The following DENND11 variants were observed in gnomAD, a reference collection of about 807,000 sequenced individuals.
The protein encoded by DENND11 is DENN domain containing 11.
In DENND11, 34 loss-of-function variants were observed where a neutral mutation model predicts 49.2. The observed-to-expected ratio is 0.69, with a 90% CI of 0.53 to 0.92. DENND11 has a LOEUF of 0.92. Ranked by LOEUF, DENND11 falls within the 40% of genes least tolerant of loss-of-function variation. The probability of loss-of-function intolerance (pLI) is 0.00; values close to 1 mark genes in which losing one functional copy is unlikely to be tolerated. For synonymous variants in DENND11, 238 were observed against 230.3 expected, an observed-to-expected ratio of 1.03 and a Z score of -0.30; for missense variants, 475 against 581.6, an observed-to-expected ratio of 0.82 and a Z score of 1.88.
intron 3 of DENND11, among the ~76,000 whole-genome samples, chr7:141,682,057 G>A (rs138364545): frequency 2.3e-3 from 353 of 152,232 alleles, no homozygotes; most frequent in Non-Finnish European, 3.8e-3. Context: ...CTTGTATTGT[G>A]GTTCCTACTT....
At chr7:141,700,740 CCA>C (rs1373681192) in intron 1 of DENND11, among the ~76,000 whole-genome samples, 1 of 152,050 alleles carries the variant, frequency 6.6e-6, no homozygotes, top group Non-Finnish European at 1.5e-5. Flanking sequence ...ACAGTGAATC[CCA>C]CATTCTTCCT....
At chr7:141,669,139 T>C (rs1797938946) in intron 4 of DENND11, among the ~76,000 whole-genome samples, 1 of 152,082 alleles carries the variant, frequency 6.6e-6, no homozygotes, top group Non-Finnish European at 1.5e-5. Flanking sequence ...CATCTGGACC[T>C]CTCAGAGAGG....
intron 3 of DENND11, among the ~76,000 whole-genome samples, chr7:141,676,854 G>A (rs1328562377): frequency 2.6e-5 from 4 of 152,106 alleles, no homozygotes; most frequent in East Asian, 3.8e-4. Context: ...AACCACCTAT[G>A]GAAACTGTCC....
In DENND11 at chr7:141,673,359, T is replaced by C. The variant is rs549123788; in HGVS notation, c.681+708A>G. ...AAGGTGCTGAGAAAGTGACAGACCA[T>C]GGTTCTCACTGCTGCTCACACCTTT... On this transcript the variant is annotated intron_variant, in intron 4 of 8. Transcript: ENST00000536163. 2.0e-5 allele frequency among the ~76,000 whole-genome samples: 3 copies of C among 152,296 alleles called. No individual in the cohort carries two copies. The South Asian group carries it at 6.2e-4, about 32-fold the overall frequency.
chr7:141,664,748 C>T (rs1346098346), intron 7 of DENND11, among the ~76,000 whole-genome samples, 156 bp downstream of exon 7: 1 of 152,204 alleles, frequency 6.6e-6, no homozygotes, highest in Non-Finnish European at 1.5e-5. Context: ...TCTTCTACTG[C>T]GGGGCTTCCC....
chr7:141,700,045 A>C (rs1015474887), intron 1 of DENND11, among the ~76,000 whole-genome samples: 3 of 152,194 alleles, frequency 2.0e-5, no homozygotes, highest in African/African-American at 4.8e-5. Flanking sequence ...GATAGATATC[A>C]ATTGGCCAAT....
intron 4 of DENND11, among the ~76,000 whole-genome samples, chr7:141,671,118 A>T (rs1797973465): frequency 6.6e-6 from 1 of 152,240 alleles, no homozygotes; most frequent in African/African-American, 2.4e-5. Flanking sequence ...ATTGTTACAC[A>T]TACGTCATTC....
At chr7:141,675,032 A>T (rs1328785520) in intron 3 of DENND11, among the ~76,000 whole-genome samples, 1 of 152,190 alleles carries the variant, frequency 6.6e-6, no homozygotes, top group Non-Finnish European at 1.5e-5. Context: ...CCAGCACCTC[A>T]CTCAGAATGG....
At chr7:141,691,436 C>G (rs1798325941) in intron 1 of DENND11, among the ~76,000 whole-genome samples, 1 of 152,204 alleles carries the variant, frequency 6.6e-6, no homozygotes, top group Admixed American at 6.5e-5. Context: ...CAGCCTATGT[C>G]CTACTTAGTA....
At chr7:141,697,308 A>G (rs191356172) in intron 1 of DENND11, among the ~76,000 whole-genome samples, 18 of 152,288 alleles carry the variant, frequency 1.2e-4, no homozygotes, top group Admixed American at 1.0e-3. Context: ...CAAGAGAAGA[A>G]ACTGACTTCA....
intron 3 of DENND11, among the ~76,000 whole-genome samples, chr7:141,678,978 T>C (rs1798108082): frequency 6.6e-6 from 1 of 152,214 alleles, no homozygotes; most frequent in Admixed American, 6.5e-5. Flanking sequence ...AAAGACTCTT[T>C]AGAGAGATAC....
rs776060905 is a variant in DENND11, at chr7:141,666,317, G to A, written c.790C>T (p.Pro264Ser). Residue 264 changes from proline (P) to serine (S), a missense_variant, in exon 5 of 9, where the codon CCC becomes TCC. Physicochemically the swap from Pro to Ser is moderately conservative, Grantham distance 74 (BLOSUM62 -1). Coordinates refer to ENST00000536163, the MANE Select transcript of DENND11 (RefSeq NM_001080392.2). ...LLRKRILIFS[P>S]PPVGVVCYRV... ...TAGCACACCACGCCCACAGGTGGGG[G>A]AGAAAATATCAAAATGCGCTTTCGA... is the stretch of plus-strand genomic sequence containing the variant. 1.9e-6 allele frequency: 3 copies of A among 1,612,854 alleles called. No homozygotes were observed. The highest frequency in any genetic ancestry group is 2.5e-6 in the Non-Finnish European group (3 of 1,179,332).
At chr7:141,687,214 ACT>A (rs1448228703) in intron 1 of DENND11, among the ~76,000 whole-genome samples, 1 of 151,744 alleles carries the variant, frequency 6.6e-6, no homozygotes, top group Admixed American at 6.6e-5. Flanking sequence ...GACCAATGTA[ACT>A]CTGTTTCCCC....
At chr7:141,695,254 G>A (rs986274196) in intron 1 of DENND11, among the ~76,000 whole-genome samples, 6 of 151,982 alleles carry the variant, frequency 3.9e-5, no homozygotes, top group African/African-American at 1.2e-4. Flanking sequence ...GTCAATAAAC[G>A]GGGACTCTAA....
At chr7:141,676,900 G>A (rs1045014129) in intron 3 of DENND11, among the ~76,000 whole-genome samples, 7 of 152,064 alleles carry the variant, frequency 4.6e-5, no homozygotes, top group Non-Finnish European at 4.4e-5. Flanking sequence ...GAGAATAACC[G>A]GCTCAATATA....
intron 3 of DENND11, among the ~76,000 whole-genome samples, chr7:141,684,290 C>T (rs898207846): frequency 1.3e-5 from 2 of 152,052 alleles, no homozygotes; most frequent in East Asian, 1.9e-4. Context: ...CATATTGTCA[C>T]GTTTTTCATA....
chr7:141,692,298 A>G lies in DENND11; in HGVS notation c.269-5640T>C, dbSNP rs562670764. The stretch of plus-strand genomic sequence containing the variant: ...TCGACAAGTTAATTCCAAAGCTTAC[A>G]TGGAAAGGCAAGAGACCCCAAATAG... On this transcript the variant is annotated intron_variant, in intron 1 of 8. Transcript: ENST00000536163. Among the ~76,000 whole-genome samples the G allele has an allele frequency of 5.9e-5, 9 of 152,342 alleles. No homozygotes were observed. The East Asian group carries it at 1.7e-3, about 29-fold the overall frequency.
intron 4 of DENND11, among the ~76,000 whole-genome samples, chr7:141,672,456 T>A (rs1269635702): frequency 6.6e-6 from 1 of 152,330 alleles, no homozygotes; most frequent in Middle Eastern, 3.4e-3. Flanking sequence ...GAGACCCACA[T>A]GGCTAAGAAC....
intron 4 of DENND11, among the ~76,000 whole-genome samples, chr7:141,669,006 A>G (rs1797936302): frequency 6.6e-6 from 1 of 152,104 alleles, no homozygotes; most frequent in Non-Finnish European, 1.5e-5. Context: ...TTCAGTGTCC[A>G]TAGCAGGCTC....
Sources: allele counts gnomAD v4.1 joint callset (sites outside exome capture counted in the v4.1 genomes callset), GRCh38; gene constraint gnomAD v4.1.1; transcripts MANE v1.5; gene names NCBI Gene and HGNC (gene_info 2026-07-23, HGNC 2026-07-21).